The following CCSER1 variants were observed in gnomAD, a reference collection of about 807,000 sequenced individuals.
CCSER1 encodes the protein coiled-coil serine rich protein 1, also known as serine-rich coiled-coil domain-containing protein 1.
CCSER1 carries 41 observed loss-of-function variants against 82.0 expected under a neutral mutation model. The ratio of observed to expected loss-of-function variants is 0.50; its 90% CI spans 0.39 to 0.65. The LOEUF (loss-of-function observed/expected upper bound fraction) is 0.65. Among genes scored for constraint, CCSER1 ranks in the 30% least tolerant of loss-of-function variants. CCSER1 has a pLI of 0.00. For missense variants in CCSER1, 1,119 were observed against 1,064.2 expected (o/e 1.05, Z -0.72); for synonymous variants, 414 against 383.9 (o/e 1.08, Z -0.92).
At chr4:91,231,620 A>C (rs973091842) in intron 10 of CCSER1, among the ~76,000 whole-genome samples, 2 of 151,374 alleles carry the variant, frequency 1.3e-5, no homozygotes, top group Admixed American at 1.3e-4. Flanking sequence ...AAAGATAAAG[A>C]CTCCTCTTTC....
intron 6 of CCSER1, among the ~76,000 whole-genome samples, chr4:90,658,267 A>T (rs1213792215): frequency 6.6e-6 from 1 of 152,168 alleles, no homozygotes; most frequent in Admixed American, 6.5e-5. Flanking sequence ...TGAGGCTCTA[A>T]CATTATTAAC....
At chr4:91,038,838 G>A (rs145627733) in intron 9 of CCSER1, among the ~76,000 whole-genome samples, 1 of 152,224 alleles carries the variant, frequency 6.6e-6, no homozygotes, top group African/African-American at 2.4e-5. Context: ...TGAAGGGAAA[G>A]GTAGAATTTA....
At chr4:91,520,215 T>A (rs763887622) in intron 10 of CCSER1, among the ~76,000 whole-genome samples, 3 of 152,172 alleles carry the variant, frequency 2.0e-5, no homozygotes, top group Admixed American at 6.5e-5. Context: ...TTCTTAGTGG[T>A]TGTTCTAGGG....
At chr4:91,431,760 C>A (rs1186431469) in intron 10 of CCSER1, among the ~76,000 whole-genome samples, 6 of 152,202 alleles carry the variant, frequency 3.9e-5, no homozygotes, top group African/African-American at 1.4e-4. Flanking sequence ...AGTCACCAAG[C>A]CCGGCCTCTT....
chr4:90,846,085 A>G (rs547600722), intron 8 of CCSER1, among the ~76,000 whole-genome samples: 57 of 152,352 alleles, frequency 3.7e-4, no homozygotes, highest in African/African-American at 1.3e-3. Flanking sequence ...GGGTGACTTA[A>G]TCACCTCAAA....
chr4:91,371,757 T>C (rs1285828084), intron 10 of CCSER1, among the ~76,000 whole-genome samples: 1 of 152,178 alleles, frequency 6.6e-6, no homozygotes, highest in African/African-American at 2.4e-5. Context: ...TAAATCAAAA[T>C]ACAATCACAC....
At chr4:91,397,399 T>G (rs529554181) in intron 10 of CCSER1, among the ~76,000 whole-genome samples, 1 of 152,236 alleles carries the variant, frequency 6.6e-6, no homozygotes, top group Non-Finnish European at 1.5e-5. Flanking sequence ...CTTTCATCCT[T>G]TATTCTTCAT....
At chr4:91,067,914 G>T (rs2148757789) in intron 9 of CCSER1, among the ~76,000 whole-genome samples, 1 of 152,282 alleles carries the variant, frequency 6.6e-6, no homozygotes, top group Middle Eastern at 3.4e-3. Flanking sequence ...ATGAATCCAA[G>T]TAATATCATT....
intron 9 of CCSER1, among the ~76,000 whole-genome samples, chr4:90,984,816 CT>C (rs1461179515): frequency 6.6e-6 from 1 of 151,780 alleles, no homozygotes; most frequent in African/African-American, 2.4e-5. Flanking sequence ...GACTTAGTAT[CT>C]TAGTCTGTAC....
intron 10 of CCSER1, among the ~76,000 whole-genome samples, chr4:91,231,558 G>T (rs1416896908): frequency 6.6e-6 from 1 of 151,658 alleles, no homozygotes; most frequent in Non-Finnish European, 1.5e-5. Context: ...TGTTGTAGAT[G>T]AAATTTATTG....
chr4:90,631,135 C>T lies in CCSER1; in HGVS notation c.1932+2903C>T, dbSNP rs368958381. Among the ~76,000 whole-genome samples the T allele has an allele frequency of 5.3e-5, 8 of 151,950 alleles. No homozygotes were observed. The East Asian group carries it at 7.8e-4, about 15-fold the overall frequency. On this transcript the variant is annotated intron_variant, in intron 6 of 10. Transcript: ENST00000509176. ...GTCTTGATCTCATGACCTCGTGATCCGCCCGCCTAGGCCTCCCAAAGTGCT... is the reference window on the plus strand; with the variant it reads ...GTCTTGATCTCATGACCTCGTGATCTGCCCGCCTAGGCCTCCCAAAGTGCT...
At chr4:90,842,273 T>A (rs1478401399) in intron 8 of CCSER1, among the ~76,000 whole-genome samples, 1 of 152,242 alleles carries the variant, frequency 6.6e-6, no homozygotes, top group Admixed American at 6.5e-5. Context: ...ATTCTTGTTA[T>A]TTTTTCTTTG....
At chr4:90,964,731 C>CAAAAAAAAAAAAAAA (rs71596540) in intron 9 of CCSER1, among the ~76,000 whole-genome samples, 1 of 77,628 alleles carries the variant, frequency 1.3e-5, no homozygotes, top group African/African-American at 5.9e-5. Flanking sequence ...ACTCTGTCTC[C>CAAAAAAAAAAAAAAA]AAAAAAAAAA....
At chr4:91,081,312 T>TG (rs1722707819) in intron 9 of CCSER1, among the ~76,000 whole-genome samples, 1 of 152,116 alleles carries the variant, frequency 6.6e-6, no homozygotes, top group Non-Finnish European at 1.5e-5. Context: ...AAAAACCACA[T>TG]GATTATCTCA....
intron 8 of CCSER1, among the ~76,000 whole-genome samples, chr4:90,848,331 G>T (rs1380520442): frequency 3.9e-5 from 6 of 152,102 alleles, no homozygotes; most frequent in Non-Finnish European, 8.8e-5. Flanking sequence ...AATTATAACT[G>T]GAAGCTAAGG....
chr4:90,470,147 T>A (rs557154004), intron 5 of CCSER1, among the ~76,000 whole-genome samples: 2 of 152,346 alleles, frequency 1.3e-5, no homozygotes, highest in South Asian at 2.1e-4. Flanking sequence ...TTTCTTTTTT[T>A]AAAATCTTGG....
chr4:91,009,107 A>G (rs944660824), intron 9 of CCSER1, among the ~76,000 whole-genome samples: 2 of 152,198 alleles, frequency 1.3e-5, no homozygotes, highest in Non-Finnish European at 2.9e-5. Flanking sequence ...GGAGGGATGG[A>G]AGTCAGGGGC....
At chr4:90,429,155 A>G (rs1181699221) in intron 4 of CCSER1, among the ~76,000 whole-genome samples, 1 of 151,896 alleles carries the variant, frequency 6.6e-6, no homozygotes, top group Non-Finnish European at 1.5e-5. Flanking sequence ...GTTTTAAAAA[A>G]ATAAAGTCTA....
intron 5 of CCSER1, among the ~76,000 whole-genome samples, chr4:90,510,231 G>A (rs1771300886): frequency 6.6e-6 from 1 of 152,026 alleles, no homozygotes; most frequent in Non-Finnish European, 1.5e-5. Flanking sequence ...ATTCTTTTAG[G>A]TATTTATTGC....
Sources: allele counts gnomAD v4.1 joint callset (sites outside exome capture counted in the v4.1 genomes callset), GRCh38; gene constraint gnomAD v4.1.1; transcripts MANE v1.5; gene names NCBI Gene and HGNC (gene_info 2026-07-23, HGNC 2026-07-21).